Variants in NOA1 observed in about 807,000 individuals in gnomAD.
NOA1 encodes the protein nitric oxide associated 1.
Under a neutral mutation model 58.4 loss-of-function variants are expected in NOA1, and 35 were observed. The observed-to-expected ratio is 0.60, with a 90% confidence interval of 0.46 to 0.79. The LOEUF (loss-of-function observed/expected upper bound fraction) is 0.79. NOA1 is among the 30% of genes least tolerant of loss of function. NOA1 has a pLI of 0.00. For synonymous variants in NOA1, 397 were observed against 373.4 expected (o/e 1.06, Z -0.73); for missense variants, 895 against 894.6 (o/e 1.00, Z -0.01).
intron 1 of NOA1, among the ~76,000 whole-genome samples, chr4:56,975,745 G>A (rs759344054): frequency 2.3e-4 from 35 of 152,290 alleles, no homozygotes; most frequent in Non-Finnish European, 3.7e-4. Flanking sequence ...GCATAGTGGC[G>A]TGCGCCTGTA....
chr4:56,975,414 T>G (rs1721884994), intron 1 of NOA1, among the ~76,000 whole-genome samples: 1 of 148,612 alleles, frequency 6.7e-6, no homozygotes, highest in South Asian at 2.2e-4. Context: ...GCAGATCACG[T>G]GAGGTCAGGA....
At chr4:56,965,562 A>G (rs972525480) in intron 5 of NOA1, among the ~76,000 whole-genome samples, 1 of 152,174 alleles carries the variant, frequency 6.6e-6, no homozygotes, top group African/African-American at 2.4e-5. Context: ...AACAAGCAAT[A>G]TATGAGCAAT....
chr4:56,974,913 G>A (rs1480045552), intron 1 of NOA1, among the ~76,000 whole-genome samples: 3 of 151,940 alleles, frequency 2.0e-5, no homozygotes, highest in Non-Finnish European at 4.4e-5. Context: ...ATGTGGGCAG[G>A]TCTGGTCTGG....
rs368079485 is a variant in NOA1, at chr4:56,977,324, C to T, written c.262G>A (p.Glu88Lys). 3.7e-6 allele frequency: 6 copies of T among 1,614,180 alleles called. No homozygotes were observed. The highest frequency in any genetic ancestry group is 3.3e-5 in the South Asian group (3 of 91,090). Residue 88 changes from glutamate to lysine, a missense_variant, in exon 1 of 7, where the codon GAA becomes AAA. Transcript: ENST00000264230. ...TGCTGGAGCTCCTGCAGCTGCTTTT[C>T]GCGGGTGGGTTGCGGCTCCGGATCC... is the stretch of plus-strand genomic sequence containing the variant. Reference protein sequence around the residue: ...ILDPEPQPTREKQLQELQQQQ... With the variant: ...ILDPEPQPTRKKQLQELQQQQ...
rs763739698 is a variant in NOA1, at chr4:56,973,288, C to T, written c.1375G>A (p.Ala459Thr). ...TCCATGTCAAAGGCAAGTGAATCAG[C>T]ATCAAACTCAAAGGGAATGTTATCC... ...QKDNIPFEFD[A>T]DSLAFDMEND... Residue 459 changes from alanine to threonine, a missense_variant, in exon 3 of 7, where the codon GCT becomes ACT. Coordinates refer to ENST00000264230, the MANE Select transcript of NOA1 (RefSeq NM_032313.4). The T allele has an allele frequency of 2.5e-6, 4 of 1,614,064 alleles. No individual in the cohort carries two copies. Among genetic ancestry groups the T allele is most frequent in the Non-Finnish European group, 3.4e-6 (4 of 1,180,008 alleles).
At chr4:56,975,736 C>T (rs1046758605) in intron 1 of NOA1, among the ~76,000 whole-genome samples, 13 of 152,156 alleles carry the variant, frequency 8.5e-5, no homozygotes, top group Non-Finnish European at 1.8e-4. Flanking sequence ...ATTAGCTGGG[C>T]ATAGTGGCGT....
At chr4:56,971,053 C>A (rs761875962) in intron 3 of NOA1, among the ~76,000 whole-genome samples, 1 of 152,128 alleles carries the variant, frequency 6.6e-6, no homozygotes, top group East Asian at 1.9e-4. Context: ...TGGCTCCCAT[C>A]CACAATCCTA....
chr4:56,969,286 C>T (rs945136321), intron 3 of NOA1, among the ~76,000 whole-genome samples: 3 of 152,210 alleles, frequency 2.0e-5, no homozygotes, highest in Non-Finnish European at 2.9e-5. Context: ...TCTTTCTTAA[C>T]AAGAGGCTGG....
At chr4:56,969,240 AAAG>A (rs1161410067) in intron 3 of NOA1, among the ~76,000 whole-genome samples, 4 of 152,256 alleles carry the variant, frequency 2.6e-5, no homozygotes, top group Admixed American at 2.6e-4. Flanking sequence ...AAAAAAGAAT[AAAG>A]AAGGTACAAA....
chr4:56,965,217 G>A (rs1422499471), intron 5 of NOA1, among the ~76,000 whole-genome samples: 2 of 152,018 alleles, frequency 1.3e-5, no homozygotes, highest in African/African-American at 4.8e-5. Flanking sequence ...AGCCAGGCTG[G>A]TCTCAAACTC....
At chr4:56,968,631 A>G in intron 3 of NOA1, 116 bp from the exon 4 acceptor site, 1 of 818,824 alleles carries the variant, frequency 1.2e-6, no homozygotes, top group South Asian at 1.9e-5. Context: ...AAATAAACCA[A>G]ATTATGTCAG....
In NOA1 at chr4:56,976,594, A is replaced by C. The variant is rs759800831; in HGVS notation, c.992T>G (p.Leu331Arg). 6.8e-6 allele frequency: 11 copies of C among 1,614,208 alleles called. No homozygotes were observed. Among genetic ancestry groups the C allele is most frequent in the South Asian group, 3.3e-5 (3 of 91,090 alleles). The change falls in exon 1 of 7, where the codon CTT (leucine) becomes CGT (arginine). Residue 331 changes from leucine (L) to arginine (R), a missense_variant. Physicochemically the swap from Leu to Arg is moderately radical, Grantham distance 102. Transcript: ENST00000264230. Reference protein sequence around the residue: ...GYGVEELISALQRSWRYRGDV... With the variant: ...GYGVEELISARQRSWRYRGDV... ...CCCACGGTAGCGCCAGGAGCGCTGA[A>C]GGGCAGAGATCAACTCTTCCACTCC...
At chr4:56,970,289 T>C (rs1359397268) in intron 3 of NOA1, among the ~76,000 whole-genome samples, 1 of 151,794 alleles carries the variant, frequency 6.6e-6, no homozygotes, top group Non-Finnish European at 1.5e-5. Flanking sequence ...CTGGGCAACA[T>C]AGCGAGGTCC....
chr4:56,965,686 A>G (rs1449014912), intron 5 of NOA1, among the ~76,000 whole-genome samples: 1 of 129,020 alleles, frequency 7.8e-6, no homozygotes, highest in Non-Finnish European at 1.6e-5. Flanking sequence ...TTAATTGTCC[A>G]AAGTATGGTG....
rs1191810965 is a variant in NOA1, at chr4:56,977,303, G to A, written c.283C>T (p.Gln95Ter). ...CGCTCCTCCTCCTCCTGCTGTTGCT[G>A]GAGCTCCTGCAGCTGCTTTTCGCGG... The part of the protein sequence containing the change: ...PTREKQLQEL[Q>*]QQQEEEERQR... The change falls in exon 1 of 7, where the codon CAG (glutamine) becomes TAG (stop). Residue 95 changes from glutamine to a stop codon, truncating the protein, a stop_gained. Coordinates refer to ENST00000264230, the MANE Select transcript of NOA1 (RefSeq NM_032313.4). LOFTEE classifies it high-confidence loss of function. The A allele has an allele frequency of 6.2e-7, 1 of 1,613,988 alleles. No homozygotes were observed.
At chr4:56,976,367 T>G (rs1219609974) in intron 1 of NOA1, 75 bp downstream of exon 1, 2 of 1,311,632 alleles carry the variant, frequency 1.5e-6, no homozygotes, top group Admixed American at 4.3e-5. Flanking sequence ...TAAGGGAGGA[T>G]GTACTCGGTG....
intron 1 of NOA1, among the ~76,000 whole-genome samples, chr4:56,975,507 T>G (rs1721890667): frequency 6.6e-6 from 1 of 151,906 alleles, no homozygotes; most frequent in Admixed American, 6.6e-5. Context: ...GGTGCTTGCC[T>G]GTAATCCCAG....
chr4:56,967,025 TTTAA>T (rs1721724560), intron 4 of NOA1, among the ~76,000 whole-genome samples: 3 of 152,078 alleles, frequency 2.0e-5, no homozygotes, highest in Admixed American at 2.0e-4. Context: ...TACTATCTGC[TTTAA>T]TTGTCTCTGT....
chr4:56,972,576 T>A (rs908652559), intron 3 of NOA1, among the ~76,000 whole-genome samples: 6 of 152,170 alleles, frequency 3.9e-5, no homozygotes, highest in African/African-American at 1.4e-4. Flanking sequence ...CCAAATGAGT[T>A]ACCTTGGAAG....
Sources: gnomAD v4.1 joint callset for allele counts (sites outside exome capture counted in the v4.1 genomes callset) on GRCh38, gnomAD v4.1.1 for gene constraint, MANE v1.5 for transcripts, NCBI Gene and HGNC (gene_info 2026-07-23, HGNC 2026-07-21) for gene names.